GCNT2: variants seen among roughly 807,000 people sequenced by gnomAD.
GCNT2 encodes glucosaminyl (N-acetyl) transferase 2 (I blood group).
GCNT2 carries 34 observed loss-of-function variants against 34.2 expected under a neutral mutation model. The observed-to-expected ratio is 1.00, with a 90% CI of 0.76 to 1.32. The LOEUF is 1.32. GCNT2 is among the 40% of genes most tolerant of loss of function. The pLI, the probability that GCNT2 is intolerant of heterozygous loss-of-function variation, is 0.00. For synonymous variants in GCNT2, 212 were observed against 188.0 expected, an observed-to-expected ratio of 1.13 and a Z score of -1.04; for missense variants, 584 against 489.4, an observed-to-expected ratio of 1.19 and a Z score of -1.82.
chr6:10,614,365 G>A (rs1419246319), intron 3 of GCNT2, among the ~76,000 whole-genome samples: 1 of 152,126 alleles, frequency 6.6e-6, no homozygotes, highest in African/African-American at 2.4e-5. Context: ...AGTGGCTCAC[G>A]GCTGTAATCC....
chr6:10,536,680 CAG>C lies in GCNT2; in HGVS notation c.925+6849_925+6850del, dbSNP rs1761772324. 2.0e-5 allele frequency among the ~76,000 whole-genome samples: 3 copies of C among 149,890 alleles called. No individual in the cohort carries two copies. In the South Asian group the frequency reaches 6.3e-4, roughly 32 times the overall value. ...CTTGTCAACTTCTAGAAAAGGAAATCAGAGAGTTGGGACACCTGTGAGTTCCT... is the reference window on the plus strand; with the variant it reads ...CTTGTCAACTTCTAGAAAAGGAAATCAGAGTTGGGACACCTGTGAGTTCCT... On this transcript the variant is annotated intron_variant, in intron 3 of 4. Transcript: ENST00000495262.
intron 3 of GCNT2, among the ~76,000 whole-genome samples, chr6:10,546,906 A>G (rs1762298693): frequency 6.6e-6 from 1 of 152,182 alleles, no homozygotes; most frequent in South Asian, 2.1e-4. Flanking sequence ...TTGGTAATCT[A>G]TGGCACACCC....
At position 10,621,423 on chromosome 6, in the gene GCNT2, A is replaced by G. The variant is rs1387292147; in HGVS notation, c.998A>G (p.Asp333Gly). 2.5e-6 allele frequency: 4 copies of G among 1,612,416 alleles called. No homozygotes were observed. Among genetic ancestry groups the G allele is most frequent in the South Asian group, 1.1e-5 (1 of 90,996 alleles). Residue 333 changes from aspartate to glycine, a missense_variant, in exon 4 of 5, where the codon GAC (aspartate) becomes GGC (glycine). By Grantham distance (94) the Asp-to-Gly change is moderately conservative (BLOSUM62 -1). Transcript: ENST00000495262. ...GCTATAAAGTGGAGTGACATGGAAGACAGACACGGAGGCTGCCACGGTGAG... is the reference window on the plus strand; with the variant it reads ...GCTATAAAGTGGAGTGACATGGAAGGCAGACACGGAGGCTGCCACGGTGAG... ...LRAIKWSDME[D>G]RHGGCHGHYV...
At chr6:10,558,587 A>G (rs942988852) in intron 3 of GCNT2, among the ~76,000 whole-genome samples, 5 of 152,240 alleles carry the variant, frequency 3.3e-5, no homozygotes, top group African/African-American at 1.2e-4. Context: ...GGACTCAATG[A>G]AAAATACAAA....
At chr6:10,585,948 T>G in intron 3 of GCNT2, 1 of 1,610,684 alleles carries the variant, frequency 6.2e-7, no homozygotes, top group Non-Finnish European at 8.5e-7. Context: ...CATTTCTCAT[T>G]CCCTGAAAAG....
intron 3 of GCNT2, among the ~76,000 whole-genome samples, chr6:10,544,981 TGAG>T (rs973506730): frequency 1.3e-5 from 2 of 151,540 alleles, no homozygotes; most frequent in African/African-American, 4.9e-5. Context: ...AATAAATAAA[TGAG>T]GTGGTCAGAG....
intron 3 of GCNT2, among the ~76,000 whole-genome samples, chr6:10,548,805 C>T (rs1348172847): frequency 2.0e-5 from 3 of 151,898 alleles, no homozygotes; most frequent in Non-Finnish European, 2.9e-5. Flanking sequence ...GTCACCCAGA[C>T]TGGAGTGCAA....
At chr6:10,570,739 T>C (rs1425935131) in intron 3 of GCNT2, among the ~76,000 whole-genome samples, 1 of 152,206 alleles carries the variant, frequency 6.6e-6, no homozygotes, top group Non-Finnish European at 1.5e-5. Context: ...TCCCCTCTTG[T>C]GTCCTATGTG....
Position 10,602,205 on chromosome 6 carries a change from A to G in GCNT2, c.926-19146A>G, listed in dbSNP as rs148767423. Among the ~76,000 whole-genome samples, 17 of 152,336 alleles carry G rather than the reference A, an allele frequency of 1.1e-4. No individual in the cohort carries two copies. The East Asian group carries it at 3.3e-3, about 29-fold the overall frequency. On this transcript the variant is annotated intron_variant, in intron 3 of 4. Transcript: ENST00000495262. ...CTATATACAGAAAATTGCACATACCAGAATTGAACAGATCACTGAAGTTTT... is the reference window on the plus strand; with the variant it reads ...CTATATACAGAAAATTGCACATACCGGAATTGAACAGATCACTGAAGTTTT...
intron 1 of GCNT2, among the ~76,000 whole-genome samples, chr6:10,523,431 G>GA (rs34628756): frequency 0.019 from 2,274 of 122,474 alleles, 53 homozygotes; most frequent in African/African-American, 0.064. Context: ...CGTCTCAAAA[G>GA]AAAAAAAAAA....
intron 3 of GCNT2, among the ~76,000 whole-genome samples, chr6:10,567,575 T>C (rs1763342757): frequency 6.6e-6 from 1 of 152,256 alleles, no homozygotes; most frequent in Non-Finnish European, 1.5e-5. Context: ...TCATTGACTC[T>C]GCAACCTCAC....
chr6:10,612,712 C>A (rs894835689), intron 3 of GCNT2, among the ~76,000 whole-genome samples: 2 of 152,128 alleles, frequency 1.3e-5, no homozygotes, highest in African/African-American at 4.8e-5. Flanking sequence ...GACGAGTACA[C>A]CATGTCTTAA....
intron 3 of GCNT2, among the ~76,000 whole-genome samples, chr6:10,537,913 A>G (rs1032099130): frequency 6.6e-6 from 1 of 151,920 alleles, no homozygotes; most frequent in Admixed American, 6.6e-5. Context: ...TCTTGAATAC[A>G]GTGCACTATA....
chr6:10,599,291 G>T (rs1764996326), intron 3 of GCNT2, among the ~76,000 whole-genome samples: 1 of 152,098 alleles, frequency 6.6e-6, no homozygotes, highest in African/African-American at 2.4e-5. Context: ...GGAAACACAG[G>T]GAGCCAACAG....
At chr6:10,575,163 T>C (rs894850806) in intron 3 of GCNT2, 16 of 424,860 alleles carry the variant, frequency 3.8e-5, no homozygotes, top group African/African-American at 2.4e-4. Flanking sequence ...AACAACTCCA[T>C]GTTTTCTAAA....
At chr6:10,579,826 C>CAAAAAAAA (rs61490868) in intron 3 of GCNT2, among the ~76,000 whole-genome samples, 33 of 89,898 alleles carry the variant, frequency 3.7e-4, no homozygotes, top group Admixed American at 5.2e-4. Context: ...AAAAAACAAA[C>CAAAAAAAA]AAAAAAAAAA....
chr6:10,593,665 C>A (rs1384844089), intron 3 of GCNT2, among the ~76,000 whole-genome samples: 1 of 152,096 alleles, frequency 6.6e-6, no homozygotes, highest in Non-Finnish European at 1.5e-5. Flanking sequence ...TGAAGTATTG[C>A]ATTTTGATGG....
chr6:10,551,614 T>G (rs1196195854), intron 3 of GCNT2, among the ~76,000 whole-genome samples: 1 of 151,706 alleles, frequency 6.6e-6, no homozygotes, highest in African/African-American at 2.4e-5. Context: ...CTGACTAACT[T>G]TTGTATTTTT....
intron 3 of GCNT2, among the ~76,000 whole-genome samples, chr6:10,545,764 T>C (rs1302427557): frequency 6.6e-6 from 1 of 152,082 alleles, no homozygotes; most frequent in Non-Finnish European, 1.5e-5. Flanking sequence ...AAGCCAGCAG[T>C]GGAGGAGGGT....
Sources: allele counts gnomAD v4.1 joint callset (sites outside exome capture counted in the v4.1 genomes callset), GRCh38; gene constraint gnomAD v4.1.1; transcripts MANE v1.5; gene names NCBI Gene and HGNC (gene_info 2026-07-23, HGNC 2026-07-21).